Variants in TNRC6A observed in about 807,000 individuals in gnomAD.
The protein encoded by TNRC6A is trinucleotide repeat containing adaptor 6A.
A neutral mutation model predicts 221.2 loss-of-function variants in TNRC6A; 44 were observed. The observed-to-expected ratio is 0.20, with a 90% CI of 0.16 to 0.26. The LOEUF (loss-of-function observed/expected upper bound fraction) is 0.26, where lower values mean the gene tolerates loss of function less well. Among genes scored for constraint, TNRC6A ranks in the 10% least tolerant of loss-of-function variants. TNRC6A has a pLI of 1.00. For synonymous variants in TNRC6A, 847 were observed against 838.5 expected (o/e 1.01, Z -0.18); for missense variants, 2,199 against 2,404.4 (o/e 0.91, Z 1.79).
At chr16:24,750,621 C>T in intron 2 of TNRC6A, 105 bp from the exon 3 acceptor site, 1 of 1,274,032 alleles carries the variant, frequency 7.8e-7, no homozygotes, top group Non-Finnish European at 1.0e-6. Flanking sequence ...TAATAATTTG[C>T]CATGTCTTCT....
intron 2 of TNRC6A, among the ~76,000 whole-genome samples, chr16:24,690,949 T>A (rs987521256): frequency 5.9e-5 from 9 of 151,806 alleles, no homozygotes; most frequent in Non-Finnish European, 1.2e-4. Flanking sequence ...CTGGGACTAC[T>A]GGCGCCCGCC....
chr16:24,777,819 C>G (rs749212277), intron 5 of TNRC6A, among the ~76,000 whole-genome samples: 5 of 152,150 alleles, frequency 3.3e-5, no homozygotes, highest in Non-Finnish European at 5.9e-5. Context: ...AAGACTGGCA[C>G]TCATAGAAAT....
chr16:24,714,845 C>A (rs2056281864), intron 2 of TNRC6A, among the ~76,000 whole-genome samples: 2 of 150,334 alleles, frequency 1.3e-5, no homozygotes, highest in Admixed American at 1.3e-4. Flanking sequence ...TATTTTCCTA[C>A]TTTTTTGCTT....
intron 2 of TNRC6A, among the ~76,000 whole-genome samples, chr16:24,647,822 G>A (rs1283669851): frequency 2.0e-5 from 3 of 152,260 alleles, no homozygotes; most frequent in African/African-American, 7.2e-5. Flanking sequence ...ATGTTGGCCA[G>A]GCTGGTCTCG....
At chr16:24,773,997 G>A (rs1412553576) in intron 4 of TNRC6A, among the ~76,000 whole-genome samples, 1 of 152,062 alleles carries the variant, frequency 6.6e-6, no homozygotes, top group Non-Finnish European at 1.5e-5. Flanking sequence ...TTGTGACACA[G>A]ATAATTGGGG....
At chr16:24,655,107 G>T (rs1444200756) in intron 2 of TNRC6A, among the ~76,000 whole-genome samples, 1 of 152,042 alleles carries the variant, frequency 6.6e-6, no homozygotes, top group Admixed American at 6.6e-5. Context: ...AGCTGGGCAT[G>T]GTGGCAGACG....
At chr16:24,709,034 A>G (rs1182489545) in intron 2 of TNRC6A, among the ~76,000 whole-genome samples, 1 of 152,154 alleles carries the variant, frequency 6.6e-6, no homozygotes, top group Non-Finnish European at 1.5e-5. Flanking sequence ...AGGCAGGCAG[A>G]TTGCCTGAGG....
At chr16:24,666,892 G>T (rs2141965285) in intron 2 of TNRC6A, among the ~76,000 whole-genome samples, 1 of 151,446 alleles carries the variant, frequency 6.6e-6, no homozygotes, top group South Asian at 2.1e-4. Flanking sequence ...GAGGCGGGTG[G>T]ATCATTTGGG....
Position 24,790,121 on chromosome 16 carries a change from G to A in TNRC6A, c.1479G>A (p.Met493Ile), listed in dbSNP as rs11863919. The A allele has an allele frequency of 4.8e-5, 78 of 1,614,066 alleles. No homozygotes were observed. The African/African-American group carries it at 9.1e-4, about 19-fold the overall frequency. ...WRVSTMNHPQMQAPSGMNGTS... is the reference protein window; with the variant it reads ...WRVSTMNHPQIQAPSGMNGTS... ...TGAGCACAATGAATCATCCTCAGAT[G>A]CAGGCTCCATCAGGTATGAATGGCA... The change falls in exon 6 of 25, where the codon ATG (methionine) becomes ATA (isoleucine). Residue 493 changes from methionine (M) to isoleucine (I), a missense_variant. Met to Ile is a conservative substitution (Grantham distance 10). Transcript: ENST00000395799.
Position 24,791,255 on chromosome 16 carries a change from G to C in TNRC6A, c.2613G>C (p.Lys871Asn). 6.2e-7 allele frequency: 1 copy of C among 1,614,200 alleles called. No homozygotes were observed. The highest frequency in any genetic ancestry group is 1.1e-5 in the South Asian group (1 of 91,076). The stretch of plus-strand genomic sequence containing the variant: ...ATAACCATTGGGGTGAGGCCAATAA[G>C]AAATCCAGCTCAGGAGGTAGTGACA... The part of the protein sequence containing the change: ...SRNNHWGEAN[K>N]KSSSGGSDSD... Residue 871 changes from lysine to asparagine, a missense_variant, in exon 6 of 25, where the codon AAG becomes AAC. By Grantham distance (94) the Lys-to-Asn change is moderately conservative (BLOSUM62 0). Transcript: ENST00000395799.
At chr16:24,698,711 GT>G (rs919031037) in intron 2 of TNRC6A, among the ~76,000 whole-genome samples, 56 of 151,760 alleles carry the variant, frequency 3.7e-4, no homozygotes, top group African/African-American at 1.2e-3. Context: ...CTTTGGGGAG[GT>G]TTTTTTTGTT....
intron 2 of TNRC6A, among the ~76,000 whole-genome samples, chr16:24,652,226 G>A (rs1275105099): frequency 2.0e-5 from 3 of 151,988 alleles, no homozygotes; most frequent in Non-Finnish European, 2.9e-5. Context: ...ACTTAAGAAA[G>A]GAAACTCTTG....
chr16:24,687,801 A>G (rs2055656585), intron 2 of TNRC6A, among the ~76,000 whole-genome samples: 1 of 136,642 alleles, frequency 7.3e-6, no homozygotes, highest in African/African-American at 2.7e-5. Context: ...AAGGAGAAGG[A>G]GAAGGAGAGG....
chr16:24,773,220 T>G (rs956714683), intron 4 of TNRC6A, among the ~76,000 whole-genome samples: 11 of 152,352 alleles, frequency 7.2e-5, no homozygotes, highest in African/African-American at 2.6e-4. Flanking sequence ...ATGAATTTTT[T>G]TGTGTGCACT....
At chr16:24,771,582 T>TTATGTTGTGATGTTATGTTATGTTA in intron 4 of TNRC6A, among the ~76,000 whole-genome samples, 2,617 of 95,320 alleles carry the variant, frequency 0.027, 63 homozygotes, top group East Asian at 0.047. Context: ...TTATGTTATG[T>TTATGTTGTGATGTTATGTTATGTTA]TGTTATGTTA....
At chr16:24,797,609 G>A (rs970995598) in intron 10 of TNRC6A, 39 bp downstream of exon 10, 4 of 1,439,636 alleles carry the variant, frequency 2.8e-6, no homozygotes, top group South Asian at 2.4e-5. Context: ...CTCTTTTAAT[G>A]GTGGTCCATG....
intron 2 of TNRC6A, among the ~76,000 whole-genome samples, chr16:24,739,944 G>A (rs1338477326): frequency 6.6e-6 from 1 of 152,136 alleles, no homozygotes; most frequent in Non-Finnish European, 1.5e-5. Context: ...TTAATGTTTA[G>A]TTCTGTAATT....
In TNRC6A at chr16:24,632,247, C is replaced by T. The variant is rs187956610; in HGVS notation, n.277-8637C>T. 2.6e-5 allele frequency among the ~76,000 whole-genome samples: 4 copies of T among 152,254 alleles called. No homozygotes were observed. The East Asian group carries it at 7.7e-4, about 29-fold the overall frequency. On this transcript the variant is annotated intron_variant and non_coding_transcript_variant, in intron 1 of 2. Coordinates refer to the TNRC6A transcript ENST00000566108. The stretch of plus-strand genomic sequence containing the variant: ...TAACCAGCTACCTGCTGATCATCCC[C>T]CTGTGGTTTATTGAACAGACATCTC...
Position 24,824,059 on chromosome 16 carries a change from C to T in TNRC6A, c.*252C>T, listed in dbSNP as rs1171732037. ...CATGCTAAACCGTAGAGAATGAGCTCGCTTGTGTCTATTCATCATGTTTAG... is the reference window on the plus strand; with the variant it reads ...CATGCTAAACCGTAGAGAATGAGCTTGCTTGTGTCTATTCATCATGTTTAG... On this transcript the variant is annotated 3_prime_UTR_variant, in exon 25 of 25. Coordinates refer to ENST00000395799, the MANE Select transcript of TNRC6A (RefSeq NM_014494.4). 3 of 273,466 alleles carry T rather than the reference C, an allele frequency of 1.1e-5. No individual in the cohort carries two copies. Among genetic ancestry groups the T allele is most frequent in the Non-Finnish European group, 1.4e-5 (2 of 146,642 alleles). 16.9% of individuals were successfully genotyped at this position (273,466 alleles called of 1,614,324 possible).
Sources: gnomAD v4.1 joint callset for allele counts (sites outside exome capture counted in the v4.1 genomes callset) on GRCh38, gnomAD v4.1.1 for gene constraint, MANE v1.5 for transcripts, NCBI Gene and HGNC (gene_info 2026-07-23, HGNC 2026-07-21) for gene names.